Variants in DES observed in about 807,000 individuals in gnomAD.
DES encodes cardiomyopathy, dilated 1F (autosomal dominant).
A neutral mutation model predicts 55.1 loss-of-function variants in DES; 34 were observed. That is an observed-to-expected ratio of 0.62 (90% CI 0.47 to 0.82). The LOEUF is 0.82. Among genes scored for constraint, DES ranks in the 40% least tolerant of loss-of-function variants. DES has a pLI of 0.00. For missense variants in DES, 596 were observed against 645.9 expected, an observed-to-expected ratio of 0.92 and a Z score of 0.84; for synonymous variants, 259 against 270.8, an observed-to-expected ratio of 0.96 and a Z score of 0.43.
chr2:219,418,654 G>A lies in DES; in HGVS notation c.192G>A (p.Gly64=). Residue 64 remains glycine (G), a synonymous_variant, in exon 1 of 9, where the codon GGG becomes GGA. Transcript: ENST00000373960. The stretch of plus-strand genomic sequence containing the variant: ...TGTCGCGCACGTCGGGCGGGGCCGG[G>A]GGCCTGGGGTCGCTGCGGGCCAGCC... The part of the protein sequence containing the change: ...YQVSRTSGGA[G]GLGSLRASRL... 2 of 1,593,272 alleles carry A rather than the reference G, an allele frequency of 1.3e-6. No homozygotes were observed. The highest frequency in any genetic ancestry group is 1.7e-6 in the Non-Finnish European group (2 of 1,170,396).
rs1386517123 is a variant in DES, at chr2:219,420,852, A to G, written c.922A>G (p.Asn308Asp). 1 of 1,613,676 alleles carries G rather than the reference A, an allele frequency of 6.2e-7. No individual in the cohort carries two copies. The highest frequency in any genetic ancestry group is 2.2e-5 in the East Asian group (1 of 44,862). ...SKVSDLTQAANKNNDALRQAK... is the reference protein window; with the variant it reads ...SKVSDLTQAADKNNDALRQAK... ...GGTGTCAGACCTGACCCAGGCAGCC[A>G]ACAAGAACAACGACGCCCTGCGCCA... The change falls in exon 5 of 9, where the codon AAC (asparagine) becomes GAC (aspartate). Residue 308 changes from asparagine (N) to aspartate (D), a missense_variant. By Grantham distance (23) the Asn-to-Asp change is conservative. Transcript: ENST00000373960. The surrounding 1 kb of genome is among the most constrained non-coding windows in gnomAD (Gnocchi z 6.0).
rs201594392 is a variant in DES at position 219,418,705 on chromosome 2, C to T, written c.243C>T (p.Ser81=). ...ASRLGTTRTP[S]SYGAGELLDF... ...GGCTGGGGACCACCCGCACGCCCTC[C>T]TCCTACGGCGCAGGCGAGCTGCTGG... The change falls in exon 1 of 9, where the codon TCC becomes TCT. Residue 81 remains serine, a synonymous_variant. Transcript: ENST00000373960. 191 of 1,567,256 alleles carry T rather than the reference C, an allele frequency of 1.2e-4. No homozygotes were observed. The Admixed American group carries it at 3.5e-3, about 29-fold the overall frequency.
rs529122515 is a variant in DES at position 219,426,214 on chromosome 2, A to C, written c.*224A>C. ...GCCACCTCTGCGGACCCCAGCTGTG[A>C]GCCTTGGCTGTTGGCAGTGAGTGAG... On this transcript the variant is annotated 3_prime_UTR_variant, in exon 9 of 9. Coordinates refer to ENST00000373960, the MANE Select transcript of DES (RefSeq NM_001927.4). This position sits in a 1 kb window ranked among gnomAD's most constrained non-coding sequence, Gnocchi z 4.5. The C allele has an allele frequency of 1.7e-5, 11 of 649,520 alleles. No individual in the cohort carries two copies. The highest frequency in any genetic ancestry group is 1.6e-4 in the South Asian group (9 of 57,080). The allele number at this position is 649,520 out of a possible 1,614,324, so 40.2% of individuals were successfully genotyped here.
At position 219,421,531 on chromosome 2, in the gene DES, C is replaced by T. The variant is rs1954444498; in HGVS notation, c.1215C>T (p.Tyr405=). ...CCCTGGATGTGGAGATTGCCACCTA[C>T]CGGAAGCTGCTGGAGGGAGAGGAGA... ...KMALDVEIAT[Y]RKLLEGEESR... Residue 405 remains tyrosine, a synonymous_variant, in exon 6 of 9, where the codon TAC becomes TAT. Coordinates refer to ENST00000373960, the MANE Select transcript of DES (RefSeq NM_001927.4). The T allele has an allele frequency of 3.1e-6, 5 of 1,613,936 alleles. No homozygotes were observed. The highest frequency in any genetic ancestry group is 4.2e-6 in the Non-Finnish European group (5 of 1,180,032).
Position 219,425,931 on chromosome 2 carries a change from G to C in DES, c.1372-18G>C. 6.2e-7 allele frequency: 1 copy of C among 1,613,958 alleles called. No homozygotes were observed. Among genetic ancestry groups the C allele is most frequent in the Non-Finnish European group, 8.5e-7 (1 of 1,179,976 alleles). ...TCTGGCTAGCACATGGTTGGACTGGGCTTCTCTTCCTCCCCAGGTCGTCAG... is the reference window on the plus strand; with the variant it reads ...TCTGGCTAGCACATGGTTGGACTGGCCTTCTCTTCCTCCCCAGGTCGTCAG... On this transcript the variant is annotated intron_variant, in intron 8 of 8. Transcript: ENST00000373960.
Position 219,420,358 on chromosome 2 carries a change from C to T in DES, c.735+12C>T, listed in dbSNP as rs375198691. The stretch of plus-strand genomic sequence containing the variant: ...AAGTGCATGAAGAGGTATACCTTGG[C>T]CCCTCTTCCTGGGGTCACTGGGCCA... On this transcript the variant is annotated intron_variant, in intron 3 of 8. Coordinates refer to ENST00000373960, the MANE Select transcript of DES (RefSeq NM_001927.4). This position sits in a 1 kb window ranked among gnomAD's most constrained non-coding sequence, Gnocchi z 6.0. 9 of 1,613,408 alleles carry T rather than the reference C, an allele frequency of 5.6e-6. No homozygotes were observed. The highest frequency in any genetic ancestry group is 1.3e-5 in the African/African-American group (1 of 75,020).
At chr2:219,425,919 T>C (rs1336668951) in intron 8 of DES, 30 bp from the exon 9 acceptor site, 1 of 1,613,700 alleles carries the variant, frequency 6.2e-7, no homozygotes. Context: ...GGCTAGCACA[T>C]GGTTGGACTG....
chr2:219,422,968 C>T, intron 6 of DES, among the ~76,000 whole-genome samples: 1 of 152,186 alleles, frequency 6.6e-6, no homozygotes, highest in East Asian at 1.9e-4. Flanking sequence ...AAGGAGCAGA[C>T]ATGTTTAGAT....
intron 6 of DES, 147 bp downstream of exon 6, chr2:219,421,707 C>A: frequency 1.4e-6 from 1 of 728,288 alleles, no homozygotes; most frequent in South Asian, 1.9e-5. Flanking sequence ...GCTCTTGTCG[C>A]CCAGTCTGGA....
chr2:219,425,900 C>T (rs371890752), intron 8 of DES, 49 bp from the exon 9 acceptor site: 58 of 1,612,994 alleles, frequency 3.6e-5, no homozygotes, highest in Non-Finnish European at 4.4e-5. Context: ...GGCTGAGGCT[C>T]CATTCTCTGG....
In DES at chr2:219,426,079, A is replaced by AC; in HGVS notation, c.*92dup. ...GCCTTCTTCCATCCCAGGACACCAC[A>AC]CCCAGCCTCAGTCCTCCCCTCACAG... is the stretch of plus-strand genomic sequence containing the variant. On this transcript the variant is annotated 3_prime_UTR_variant, in exon 9 of 9. Coordinates refer to ENST00000373960, the MANE Select transcript of DES (RefSeq NM_001927.4). The surrounding 1 kb of genome is among the most constrained non-coding windows in gnomAD (Gnocchi z 4.5). 6.8e-7 allele frequency: 1 copy of AC among 1,462,704 alleles called. No individual in the cohort carries two copies. Among genetic ancestry groups the AC allele is most frequent in the Non-Finnish European group, 9.5e-7 (1 of 1,055,458 alleles). The allele number at this position is 1,462,704 out of a possible 1,614,324, so 90.6% of individuals were successfully genotyped here. A position where few individuals can be genotyped will look rare whatever the true frequency, so the allele number is the denominator to read the frequency against.
In DES at chr2:219,418,517, G is replaced by C. The variant is rs936853024; in HGVS notation, c.55G>C (p.Gly19Arg). ...QRVSSYRRTFGGAPGFPLGSP... is the reference protein window; with the variant it reads ...QRVSSYRRTFRGAPGFPLGSP... ...CGTGTCCTCCTACCGCCGCACCTTC[G>C]GCGGGGCCCCGGGCTTCCCACTCGG... The change falls in exon 1 of 9, where the codon GGC becomes CGC. Residue 19 changes from glycine (G) to arginine (R), a missense_variant. Transcript: ENST00000373960. 8 of 1,603,092 alleles carry C rather than the reference G, an allele frequency of 5.0e-6. No homozygotes were observed. The African/African-American group carries it at 8.1e-5, about 16-fold the overall frequency.
rs1441668745 is a variant in DES, at chr2:219,421,911, C to T, written c.1244+351C>T. ...GAACTCCTGACCTCAGGTGATCTGC[C>T]TACCTCAGCCTCCCAAAGTACTGGG... is the stretch of plus-strand genomic sequence containing the variant. On this transcript the variant is annotated intron_variant, in intron 6 of 8. Coordinates refer to ENST00000373960, the MANE Select transcript of DES (RefSeq NM_001927.4). Among the ~76,000 whole-genome samples the T allele has an allele frequency of 2.0e-5, 3 of 152,146 alleles. No homozygotes were observed. In the East Asian group the frequency reaches 5.8e-4, roughly 29 times the overall value.
chr2:219,420,574 C>A lies in DES; in HGVS notation c.815C>A (p.Ala272Asp). ...GACATGTCTAAGCCAGACCTCACTGCCGCCCTCAGGGACATCCGGGCTCAG... is the reference window on the plus strand; with the variant it reads ...GACATGTCTAAGCCAGACCTCACTGACGCCCTCAGGGACATCCGGGCTCAG... ...EMDMSKPDLT[A>D]ALRDIRAQYE... Residue 272 changes from alanine to aspartate, a missense_variant, in exon 4 of 9, where the codon GCC becomes GAC. Coordinates refer to ENST00000373960, the MANE Select transcript of DES (RefSeq NM_001927.4). This position sits in a 1 kb window ranked among gnomAD's most constrained non-coding sequence, Gnocchi z 6.0. The A allele has an allele frequency of 6.2e-7, 1 of 1,613,954 alleles. No individual in the cohort carries two copies. The highest frequency in any genetic ancestry group is 2.2e-5 in the East Asian group (1 of 44,846).
chr2:219,418,980 G>A lies in DES; in HGVS notation c.518G>A (p.Arg173His), dbSNP rs961874998. The A allele has an allele frequency of 1.3e-6, 2 of 1,553,104 alleles. No individual in the cohort carries two copies. Among genetic ancestry groups the A allele is most frequent in the South Asian group, 1.2e-5 (1 of 84,314 alleles). The change falls in exon 1 of 9, where the codon CGC (arginine) becomes CAC (histidine). Residue 173 changes from arginine (R) to histidine (H), a missense_variant. Transcript: ENST00000373960. Reference protein sequence around the residue: ...RRQVEVLTNQRARVDVERDNL... With the variant: ...RRQVEVLTNQHARVDVERDNL... ...CAGGTGGAGGTGCTCACTAACCAGC[G>A]CGCGCGCGTCGACGTCGAGCGCGAC... is the stretch of plus-strand genomic sequence containing the variant.
Position 219,418,443 on chromosome 2 carries a change from G to A in DES, c.-20G>A. 6.4e-7 allele frequency: 1 copy of A among 1,570,096 alleles called. No individual in the cohort carries two copies. Among genetic ancestry groups the A allele is most frequent in the South Asian group, 1.1e-5 (1 of 87,324 alleles). ...CGCCGCCTCCTCCGTGCGCCCGCCA[G>A]CCTCGCCCGCGCCGTCACCATGAGC... On this transcript the variant is annotated 5_prime_UTR_variant, in exon 1 of 9. Transcript: ENST00000373960.
intron 7 of DES, chr2:219,425,458 G>T (rs1271211292): frequency 1.7e-6 from 1 of 599,952 alleles, no homozygotes; most frequent in Non-Finnish European, 3.0e-6. Flanking sequence ...TAAACTATGG[G>T]ACAGGCGCTG....
In DES at chr2:219,423,828, T is replaced by TCTGCTGG; in HGVS notation, c.1288+10_1288+16dup. The TCTGCTGG allele has an allele frequency of 6.2e-7, 1 of 1,613,840 alleles. No individual in the cohort carries two copies. The highest frequency in any genetic ancestry group is 1.3e-5 in the African/African-American group (1 of 75,036). ...CTGCCCTCAACTTCCGAGGTGAGTG[T>TCTGCTGG]CTGCTGGCAGGCGGAGGCTGGAGTT... On this transcript the variant is annotated intron_variant, in intron 7 of 8. Transcript: ENST00000373960.
Position 219,420,652 on chromosome 2 carries a change from C to G in DES, c.893C>G (p.Ser298Trp). 1 of 1,613,974 alleles carries G rather than the reference C, an allele frequency of 6.2e-7. No homozygotes were observed. Among genetic ancestry groups the G allele is most frequent in the South Asian group, 1.1e-5 (1 of 91,048 alleles). Residue 298 changes from serine to tryptophan, a missense_variant, in exon 4 of 9, where the codon TCG becomes TGG. Coordinates refer to ENST00000373960, the MANE Select transcript of DES (RefSeq NM_001927.4). This position sits in a 1 kb window ranked among gnomAD's most constrained non-coding sequence, Gnocchi z 6.0. ...TCTGAAGCTGAGGAGTGGTACAAGT[C>G]GAAGGTGGGTGGCCTCGCCCGGGGA... ...NISEAEEWYK[S>W]KVSDLTQAAN... is the part of the protein sequence containing the mutation.
Sources: gnomAD v4.1 joint callset for allele counts (sites outside exome capture counted in the v4.1 genomes callset) on GRCh38, gnomAD v4.1.1 for gene constraint, Gnocchi (gnomAD v3.1) non-coding constraint, MANE v1.5 for transcripts, NCBI Gene and HGNC (gene_info 2026-07-23, HGNC 2026-07-21) for gene names.